The following VOPP1 variants were observed in gnomAD, a reference collection of about 807,000 sequenced individuals.
VOPP1 encodes the protein WW domain binding protein VOPP1.
VOPP1 carries 8 observed loss-of-function variants against 23.5 expected under a neutral mutation model. The observed-to-expected ratio is 0.34, with a 90% CI of 0.20 to 0.61. The LOEUF (loss-of-function observed/expected upper bound fraction) is 0.61. Among genes scored for constraint, VOPP1 ranks in the 20% least tolerant of loss-of-function variants. VOPP1 has a pLI of 0.78. For synonymous variants in VOPP1, 83 were observed against 97.3 expected (o/e 0.85, Z 0.86); for missense variants, 174 against 238.1 (o/e 0.73, Z 1.77).
At chr7:55,435,715 G>T (rs1303631496), downstream of VOPP1, among the ~76,000 whole-genome samples, 1 of 152,244 alleles carries the variant, frequency 6.6e-6, no homozygotes, top group Non-Finnish European at 1.5e-5. Context: ...GCTCTCAGAT[G>T]CCTGGGGCTA....
rs188344148 is a variant in VOPP1, at chr7:55,436,672, G to A, written n.418-498C>T. ...TGGGTGTGTGTGCGTGTGTGCGTGCGTGTGCGTGTGTGCATGTGCATGCGT... is the reference window on the plus strand; with the variant it reads ...TGGGTGTGTGTGCGTGTGTGCGTGCATGTGCGTGTGTGCATGTGCATGCGT... On this transcript the variant is annotated intron_variant and non_coding_transcript_variant, in intron 4 of 4. Coordinates refer to the VOPP1 transcript ENST00000462326. 2.2e-3 allele frequency among the ~76,000 whole-genome samples: 338 copies of A among 151,870 alleles called. 3 individuals carry two copies. The highest frequency in any genetic ancestry group is 4.2e-3 in the Non-Finnish European group (288 of 67,914).
intron 1 of VOPP1, among the ~76,000 whole-genome samples, chr7:55,558,915 GA>G (rs1429026316): frequency 1.3e-5 from 2 of 152,172 alleles, no homozygotes; most frequent in Non-Finnish European, 2.9e-5. Context: ...GAAAGCAAAG[GA>G]AAGGTCAGTG....
intron 2 of VOPP1, among the ~76,000 whole-genome samples, chr7:55,506,933 T>C (rs919640328): frequency 9.8e-5 from 15 of 152,362 alleles, no homozygotes; most frequent in South Asian, 6.2e-4. Flanking sequence ...TGAGCCACTG[T>C]GCCCGGCCCC....
intron 2 of VOPP1, among the ~76,000 whole-genome samples, chr7:55,518,382 T>C (rs1795610006): frequency 6.6e-6 from 1 of 152,250 alleles, no homozygotes; most frequent in African/African-American, 2.4e-5. Context: ...ATGTGAACTC[T>C]GCACGAACAT....
chr7:55,481,831 G>A (rs568409904), intron 4 of VOPP1, among the ~76,000 whole-genome samples: 255 of 152,288 alleles, frequency 1.7e-3, no homozygotes, highest in Middle Eastern at 3.4e-3. Context: ...GCAACTTTCC[G>A]AAAATCGCCA....
At chr7:55,456,065 G>A (rs1791358285) in intron 4 of VOPP1, among the ~76,000 whole-genome samples, 1 of 152,046 alleles carries the variant, frequency 6.6e-6, no homozygotes, top group African/African-American at 2.4e-5. Flanking sequence ...CTGACAAAGG[G>A]CTAATATCCA....
intron 4 of VOPP1, among the ~76,000 whole-genome samples, chr7:55,462,448 A>AT (rs1791524485): frequency 6.6e-6 from 1 of 152,104 alleles, no homozygotes; most frequent in Non-Finnish European, 1.5e-5. Context: ...TAGGTTCTCT[A>AT]TGCCTTTGCC....
chr7:55,503,443 G>A (rs1794501383), intron 2 of VOPP1, among the ~76,000 whole-genome samples: 1 of 152,196 alleles, frequency 6.6e-6, no homozygotes, highest in Non-Finnish European at 1.5e-5. Flanking sequence ...AATCTCACGA[G>A]AAGGAAAGGA....
intron 4 of VOPP1, among the ~76,000 whole-genome samples, chr7:55,474,053 A>C (rs1792047989): frequency 1.3e-5 from 2 of 152,260 alleles, no homozygotes; most frequent in South Asian, 4.1e-4. Flanking sequence ...GAAGGAGAGC[A>C]TGTAGAACAG....
At chr7:55,436,455 G>A (rs1245993814) in intron 4 of VOPP1, among the ~76,000 whole-genome samples, 1 of 152,162 alleles carries the variant, frequency 6.6e-6, no homozygotes, top group African/African-American at 2.4e-5. Context: ...TGAAGGTGCC[G>A]GTGATTGGCT....
intron 4 of VOPP1, among the ~76,000 whole-genome samples, chr7:55,438,922 A>C (rs1790896813): frequency 6.6e-6 from 1 of 152,154 alleles, no homozygotes; most frequent in African/African-American, 2.4e-5. Context: ...AGTCAGGGGC[A>C]GAGTAAGACA....
intron 4 of VOPP1, among the ~76,000 whole-genome samples, chr7:55,486,025 C>G (rs1793116168): frequency 1.3e-5 from 2 of 152,164 alleles, no homozygotes; most frequent in Non-Finnish European, 2.9e-5. Flanking sequence ...TGAGGGAGAC[C>G]CTTGGTACGT....
intron 4 of VOPP1, among the ~76,000 whole-genome samples, chr7:55,453,606 C>T (rs778002169): frequency 6.6e-6 from 1 of 152,176 alleles, no homozygotes; most frequent in Non-Finnish European, 1.5e-5. Flanking sequence ...AGTACACCAT[C>T]TTGTATAGGC....
At chr7:55,516,708 C>T (rs1429977574) in intron 2 of VOPP1, among the ~76,000 whole-genome samples, 1 of 152,080 alleles carries the variant, frequency 6.6e-6, no homozygotes, top group Admixed American at 6.6e-5. Context: ...TGGTGAGTTA[C>T]ACTCACAAAA....
chr7:55,463,329 T>C (rs1412147267), intron 4 of VOPP1, among the ~76,000 whole-genome samples: 4 of 152,244 alleles, frequency 2.6e-5, no homozygotes, highest in Admixed American at 6.5e-5. Context: ...TTCAGAGGCA[T>C]TCTGTTTCCT....
chr7:55,542,610 T>C (rs1002102791), intron 1 of VOPP1, among the ~76,000 whole-genome samples: 2 of 152,114 alleles, frequency 1.3e-5, no homozygotes, highest in Admixed American at 1.3e-4. Flanking sequence ...GCCAACATGG[T>C]GAAGGCCCGT....
At chr7:55,556,551 C>T (rs1562628058) in intron 1 of VOPP1, among the ~76,000 whole-genome samples, 1 of 152,060 alleles carries the variant, frequency 6.6e-6, no homozygotes, top group African/African-American at 2.4e-5. Flanking sequence ...GAGAAAAATG[C>T]TATGATTATA....
At chr7:55,474,678 G>A (rs778378413) in intron 4 of VOPP1, among the ~76,000 whole-genome samples, 1 of 152,256 alleles carries the variant, frequency 6.6e-6, no homozygotes, top group African/African-American at 2.4e-5. Flanking sequence ...ACAAGGGCGG[G>A]GCAGATGAAA....
At chr7:55,538,428 T>C (rs1796935922) in intron 1 of VOPP1, among the ~76,000 whole-genome samples, 1 of 152,204 alleles carries the variant, frequency 6.6e-6, no homozygotes, top group Admixed American at 6.5e-5. Context: ...TTTCGTTCTT[T>C]GCTAACTTGA....
Sources: allele counts gnomAD v4.1 joint callset (sites outside exome capture counted in the v4.1 genomes callset), GRCh38; gene constraint gnomAD v4.1.1; transcripts MANE v1.5; gene names NCBI Gene and HGNC (gene_info 2026-07-23, HGNC 2026-07-21).